KIAA0753: variants seen among roughly 807,000 people sequenced by gnomAD.
KIAA0753 encodes the protein protein moonraker.
In KIAA0753, 114 loss-of-function variants were observed where a neutral mutation model predicts 116.9. That is an observed-to-expected ratio of 0.98 (90% CI 0.84 to 1.14). The LOEUF (loss-of-function observed/expected upper bound fraction) is 1.14, where lower values mean the gene tolerates loss of function less well. KIAA0753 is among the 50% of genes most tolerant of loss of function. The pLI is 0.00. For synonymous variants in KIAA0753, 405 were observed against 413.1 expected (o/e 0.98, Z 0.24); for missense variants, 1,156 against 1,172.4 (o/e 0.99, Z 0.20).
chr17:6,581,824 C>A (rs1968200788), intron 18 of KIAA0753, among the ~76,000 whole-genome samples: 1 of 152,230 alleles, frequency 6.6e-6, no homozygotes, highest in African/African-American at 2.4e-5. Context: ...GAACTCTCGA[C>A]ATGTCCCCAT....
chr17:6,584,582 C>T (rs553345248), intron 18 of KIAA0753, among the ~76,000 whole-genome samples: 5 of 152,100 alleles, frequency 3.3e-5, no homozygotes, highest in South Asian at 4.1e-4. Context: ...TAATCTTCCC[C>T]GTTCTGCATT....
intron 14 of KIAA0753, among the ~76,000 whole-genome samples, chr17:6,597,993 A>G (rs1228846031): frequency 6.6e-6 from 1 of 152,232 alleles, no homozygotes; most frequent in Admixed American, 6.5e-5. Flanking sequence ...GCTATTTAAC[A>G]ACAGCCCAGA....
At chr17:6,631,432 T>A (rs1267928289) in intron 2 of KIAA0753, among the ~76,000 whole-genome samples, 1 of 152,238 alleles carries the variant, frequency 6.6e-6, no homozygotes, top group Non-Finnish European at 1.5e-5. Context: ...ATATTGTGGA[T>A]AATGATAGCC....
chr17:6,587,039 A>C (rs952194897), intron 18 of KIAA0753, among the ~76,000 whole-genome samples: 1 of 152,164 alleles, frequency 6.6e-6, no homozygotes, highest in African/African-American at 2.4e-5. Context: ...GTTCGAGACC[A>C]GCCTGGCCAA....
rs779636026 is a variant in KIAA0753 at position 6,596,239 on chromosome 17, C to T, written c.2277G>A (p.Gly759=). 1 of 1,613,820 alleles carries T rather than the reference C, an allele frequency of 6.2e-7. No individual in the cohort carries two copies. Among genetic ancestry groups the T allele is most frequent in the Non-Finnish European group, 8.5e-7 (1 of 1,179,836 alleles). ...LWAVTHAKIL[G]SETLATVEDS... ...CCTCAACGGTGGCTAAGGTTTCAGACCCCAAGATCTTAGCATGAGTCACAG... is the reference window on the plus strand; with the variant it reads ...CCTCAACGGTGGCTAAGGTTTCAGATCCCAAGATCTTAGCATGAGTCACAG... The change falls in exon 15 of 19, where the codon GGG becomes GGA. Residue 759 remains glycine (G), a synonymous_variant. Coordinates refer to ENST00000361413, the MANE Select transcript of KIAA0753 (RefSeq NM_014804.3).
At position 6,613,599 on chromosome 17, in the gene KIAA0753, G is replaced by A. The variant is rs74505262; in HGVS notation, c.1316-1451C>T. ...AGGCAGAAATCAGCGAGACATCATG[G>A]ACGTGACAAAGGCAGCACGATAACT... On this transcript the variant is annotated intron_variant, in intron 7 of 18. Transcript: ENST00000361413. Among the ~76,000 whole-genome samples the A allele has an allele frequency of 5.9e-5, 9 of 152,148 alleles. No homozygotes were observed. In the East Asian group the frequency reaches 1.7e-3, roughly 29 times the overall value.
chr17:6,626,375 G>A (rs964445412), intron 3 of KIAA0753, among the ~76,000 whole-genome samples: 22 of 152,214 alleles, frequency 1.4e-4, no homozygotes, highest in African/African-American at 5.1e-4. Context: ...GTATAAGGCT[G>A]TTTTGAAGAA....
At chr17:6,631,144 A>C (rs1223636327) in intron 2 of KIAA0753, among the ~76,000 whole-genome samples, 2 of 152,226 alleles carry the variant, frequency 1.3e-5, no homozygotes, top group Non-Finnish European at 2.9e-5. Context: ...AAAATCCATA[A>C]GGATAGTGGA....
At chr17:6,592,681 T>C (rs1016370106) in intron 16 of KIAA0753, among the ~76,000 whole-genome samples, 10 of 151,960 alleles carry the variant, frequency 6.6e-5, no homozygotes, top group South Asian at 2.1e-4. Context: ...AGATGGATCA[T>C]AGACCTACAC....
At chr17:6,591,165 G>GA (rs200446175) in intron 16 of KIAA0753, among the ~76,000 whole-genome samples, 3,037 of 152,024 alleles carry the variant, frequency 0.02, 105 homozygotes, top group African/African-American at 0.068. Flanking sequence ...GGGCAATGCT[G>GA]AAAAAATCTG....
In KIAA0753 at chr17:6,589,778, C is replaced by T. The variant is rs1250908176; in HGVS notation, c.2786+1G>A. The T allele has an allele frequency of 1.9e-6, 3 of 1,596,294 alleles. No homozygotes were observed. Among genetic ancestry groups the T allele is most frequent in the African/African-American group, 2.7e-5 (2 of 73,716 alleles). ...ACAGAGGACCGTAACATTTTACTGA[C>T]CTTTCAGCTATCAGCCACGGGTTGA... On this transcript the variant is annotated splice_donor_variant, in intron 18 of 18. Transcript: ENST00000361413. LOFTEE classifies it high-confidence loss of function.
In KIAA0753 at chr17:6,594,836, C is replaced by A. The variant is rs1209999445; in HGVS notation, c.2440+136G>T. ...ATAGAGGGATAAATAGGTGACAAAG[C>A]AAAGAGAGTGAAATGTTAATTGTAG... On this transcript the variant is annotated intron_variant, in intron 16 of 18. Transcript: ENST00000361413. The A allele has an allele frequency of 4.4e-6, 3 of 682,994 alleles. No homozygotes were observed. In the African/African-American group the frequency reaches 5.5e-5, roughly 12 times the overall value. The allele number at this position is 682,994 out of a possible 1,614,324, so 42.3% of individuals were successfully genotyped here. A position where few individuals can be genotyped will look rare whatever the true frequency, so the allele number is the denominator to read the frequency against.
chr17:6,608,189 T>C (rs1399441469), intron 10 of KIAA0753, among the ~76,000 whole-genome samples, 159 bp downstream of exon 10: 2 of 152,246 alleles, frequency 1.3e-5, no homozygotes, highest in African/African-American at 4.8e-5. Context: ...ACTGAAACGT[T>C]TAATAAACTA....
intron 18 of KIAA0753, among the ~76,000 whole-genome samples, chr17:6,588,997 G>A (rs1968788980): frequency 6.6e-6 from 1 of 152,070 alleles, no homozygotes; most frequent in African/African-American, 2.4e-5. Flanking sequence ...GCTGTTTCCT[G>A]CCCAGGAATA....
In KIAA0753 at chr17:6,628,755, A is replaced by C. The variant is rs766478970; in HGVS notation, c.94-14T>G. ...CTGCAGCTGGTTCTTTAAAAAGCAA[A>C]TAAAAGTAAGCAGACATCAGAAAAA... On this transcript the variant is annotated splice_polypyrimidine_tract_variant and intron_variant, in intron 2 of 18. Coordinates refer to ENST00000361413, the MANE Select transcript of KIAA0753 (RefSeq NM_014804.3). 5.9e-5 allele frequency: 93 copies of C among 1,571,152 alleles called. No homozygotes were observed. The highest frequency in any genetic ancestry group is 7.9e-5 in the Non-Finnish European group (92 of 1,161,588).
At chr17:6,616,804 C>T (rs1597556228) in intron 7 of KIAA0753, among the ~76,000 whole-genome samples, 1 of 152,056 alleles carries the variant, frequency 6.6e-6, no homozygotes, top group South Asian at 2.1e-4. Context: ...CCAGCCTGGG[C>T]GACAAAGCAA....
chr17:6,617,696 C>A (rs1971022078), intron 7 of KIAA0753, among the ~76,000 whole-genome samples: 1 of 152,200 alleles, frequency 6.6e-6, no homozygotes, highest in Non-Finnish European at 1.5e-5. Context: ...AAAGACCATG[C>A]CATGATTAGA....
At chr17:6,607,651 G>A (rs1292189544) in intron 10 of KIAA0753, among the ~76,000 whole-genome samples, 2 of 152,226 alleles carry the variant, frequency 1.3e-5, no homozygotes. Context: ...AAAGTTAACT[G>A]TGAACAACTC....
rs1567586028 is a variant in KIAA0753, at chr17:6,628,390, ATTCC to A, written c.441_444del (p.Lys147AsnfsTer17). The A allele has an allele frequency of 6.2e-7, 1 of 1,614,128 alleles. No homozygotes were observed. Among genetic ancestry groups the A allele is most frequent in the Admixed American group, 1.7e-5 (1 of 60,014 alleles). ...CACTGACAGGCTGCTTGACTCTTTG[ATTCC>A]TTCCTTTCCACCCTGTGGTCGGGTA... On this transcript the variant is annotated frameshift_variant, in exon 3 of 19. Coordinates refer to ENST00000361413, the MANE Select transcript of KIAA0753 (RefSeq NM_014804.3). LOFTEE classifies it high-confidence loss of function.
Sources: gnomAD v4.1 joint callset for allele counts (sites outside exome capture counted in the v4.1 genomes callset) on GRCh38, gnomAD v4.1.1 for gene constraint, MANE v1.5 for transcripts, NCBI Gene and HGNC (gene_info 2026-07-23, HGNC 2026-07-21) for gene names.